The following RELL1 variants were observed in gnomAD, a reference collection of about 807,000 sequenced individuals.
RELL1 encodes RELT like 1.
RELL1 carries 10 observed loss-of-function variants against 23.0 expected under a neutral mutation model. The ratio of observed to expected loss-of-function variants is 0.43; its 90% CI spans 0.27 to 0.74. The LOEUF is 0.74. Ranked by LOEUF, RELL1 falls within the 30% of genes least tolerant of loss-of-function variation. RELL1 has a pLI of 0.19. For synonymous variants in RELL1, 146 were observed against 146.8 expected (o/e 0.99, Z 0.04); for missense variants, 315 against 364.4 (o/e 0.86, Z 1.10).
At chr4:37,685,339 GT>G (rs150944232) in intron 1 of RELL1, among the ~76,000 whole-genome samples, 5 of 149,712 alleles carry the variant, frequency 3.3e-5, no homozygotes, top group African/African-American at 7.4e-5. Flanking sequence ...AAGTAAGTAT[GT>G]TTTTTTTTTA....
In RELL1 at chr4:37,650,268, G is replaced by A. The variant is rs1720876486; in HGVS notation, c.89-768C>T. Among the ~76,000 whole-genome samples the A allele has an allele frequency of 2.0e-5, 3 of 152,106 alleles. No homozygotes were observed. In the South Asian group the frequency reaches 6.2e-4, roughly 32 times the overall value. On this transcript the variant is annotated intron_variant, in intron 1 of 6. Transcript: ENST00000454158. Reference sequence around the variant, plus strand: ...AGCAGATCTAGAGTATGAAGAAGAGGGAAAAGTCAGGGATAGCATCAAGAT... The same window carrying A: ...AGCAGATCTAGAGTATGAAGAAGAGAGAAAAGTCAGGGATAGCATCAAGAT...
chr4:37,609,948 A>AAAC (rs1719324360), downstream of RELL1, among the ~76,000 whole-genome samples: 1 of 152,234 alleles, frequency 6.6e-6, no homozygotes, highest in Admixed American at 6.5e-5. Context: ...AATAATACAT[A>AAAC]AACTTAGTTG....
intron 1 of RELL1, among the ~76,000 whole-genome samples, chr4:37,666,914 G>A (rs942569633): frequency 2.0e-5 from 3 of 152,192 alleles, no homozygotes; most frequent in African/African-American, 7.2e-5. Flanking sequence ...CACGTGGGCT[G>A]GCTTCTGAGA....
At chr4:37,669,942 T>G (rs931866864) in intron 1 of RELL1, among the ~76,000 whole-genome samples, 3 of 151,578 alleles carry the variant, frequency 2.0e-5, no homozygotes, top group Non-Finnish European at 4.4e-5. Context: ...CCAGAGACCT[T>G]TGTTCACTTG....
chr4:37,671,109 A>T lies in RELL1; in HGVS notation c.88+15091T>A, dbSNP rs1029315252. On this transcript the variant is annotated intron_variant, in intron 1 of 6. Transcript: ENST00000454158. ...CATTTAGTGCAGACTCCACAGGTTAAATACTCAATCCCACAAGACTGACCC... is the reference window on the plus strand; with the variant it reads ...CATTTAGTGCAGACTCCACAGGTTATATACTCAATCCCACAAGACTGACCC... 5.3e-5 allele frequency among the ~76,000 whole-genome samples: 8 copies of T among 152,326 alleles called. No homozygotes were observed. The East Asian group carries it at 1.5e-3, about 29-fold the overall frequency.
At chr4:37,632,626 T>C (rs557048583) in intron 5 of RELL1, among the ~76,000 whole-genome samples, 1 of 152,162 alleles carries the variant, frequency 6.6e-6, no homozygotes, top group African/African-American at 2.4e-5. Context: ...ACACACATGC[T>C]CTCACACATA....
chr4:37,605,056 A>G (rs1719154010), intron 6 of RELL1, among the ~76,000 whole-genome samples: 1 of 152,222 alleles, frequency 6.6e-6, no homozygotes, highest in Non-Finnish European at 1.5e-5. Context: ...ATAAACATGT[A>G]AAAATATCAT....
intron 6 of RELL1, among the ~76,000 whole-genome samples, chr4:37,603,371 C>T (rs1719067296): frequency 6.6e-6 from 1 of 152,178 alleles, no homozygotes; most frequent in South Asian, 2.1e-4. Flanking sequence ...AACAGTCCTG[C>T]AGCATGGTTC....
downstream of RELL1, among the ~76,000 whole-genome samples, chr4:37,608,959 T>C (rs1189141118): frequency 6.6e-6 from 1 of 152,198 alleles, no homozygotes; most frequent in Non-Finnish European, 1.5e-5. Context: ...AAAGAAACCA[T>C]TGCCATTATA....
rs772779656 is a variant in RELL1 at position 37,635,015 on chromosome 4, G to A, written c.552C>T (p.Gly184=). ...HVCGHHLHTV[G]GVVERDVCHR... is the part of the protein sequence containing the mutation. ...GACACACATCCCTCTCGACAACACC[G>A]CCCACCGTATGCAGATGATGGCCAC... Residue 184 remains glycine (G), a synonymous_variant, in exon 5 of 7, where the codon GGC becomes GGT. Coordinates refer to ENST00000454158, the MANE Select transcript of RELL1 (RefSeq NM_001085400.2). 2.0e-5 allele frequency: 33 copies of A among 1,614,086 alleles called. No individual in the cohort carries two copies. The East Asian group carries it at 3.3e-4, about 16-fold the overall frequency.
At chr4:37,629,622 A>G (rs556060065) in intron 6 of RELL1, among the ~76,000 whole-genome samples, 2 of 152,262 alleles carry the variant, frequency 1.3e-5, no homozygotes, top group South Asian at 2.1e-4. Context: ...GAAGGCTCCT[A>G]TTCTGCTCCT....
intron 1 of RELL1, among the ~76,000 whole-genome samples, chr4:37,685,440 A>G (rs1170799943): frequency 1.3e-5 from 2 of 152,172 alleles, no homozygotes; most frequent in African/African-American, 4.8e-5. Flanking sequence ...GTGACATAGG[A>G]CTTCCATAAA....
chr4:37,619,316 G>A (rs1180113570), intron 6 of RELL1, among the ~76,000 whole-genome samples: 2 of 152,154 alleles, frequency 1.3e-5, no homozygotes, highest in Non-Finnish European at 2.9e-5. Context: ...CCGAGTAGCT[G>A]GGACTACAGG....
At chr4:37,605,795 GAA>G (rs112947938), downstream of RELL1, among the ~76,000 whole-genome samples, 1,882 of 76,714 alleles carry the variant, frequency 0.025, 77 homozygotes, top group African/African-American at 0.076. Context: ...GAAAGAAAGA[GAA>G]AGAAAGAAAG....
At chr4:37,590,654 A>G, downstream of RELL1, 1 of 1,614,168 alleles carries the variant, frequency 6.2e-7, no homozygotes, top group Non-Finnish European at 8.5e-7. Context: ...GACAACGTTG[A>G]TCATAATGAA....
At chr4:37,604,884 C>CACACACAT (rs1560323921) in intron 6 of RELL1, among the ~76,000 whole-genome samples, 6 of 90,744 alleles carry the variant, frequency 6.6e-5, no homozygotes, top group South Asian at 8.4e-4. Flanking sequence ...CACACATACA[C>CACACACAT]ACAGACACAC....
rs1428212414 is a variant in RELL1, at chr4:37,686,229, C to A, written c.59G>T (p.Gly20Val). Residue 20 changes from glycine to valine, a missense_variant, in exon 1 of 7, where the codon GGC (glycine) becomes GTC (valine). Transcript: ENST00000454158. ...AGCCACCAGCGGCGAACTCACGGCG[C>A]CTCCCACGAAGACAGCAGCGGCTAG... ...AVLAAAVFVG[G>V]AVSSPLVAPD... 1.3e-6 allele frequency: 2 copies of A among 1,581,218 alleles called. No individual in the cohort carries two copies. Among genetic ancestry groups the A allele is most frequent in the Non-Finnish European group, 8.5e-7 (1 of 1,171,788 alleles).
At chr4:37,672,755 C>T (rs1114272) in intron 1 of RELL1, among the ~76,000 whole-genome samples, 15,379 of 152,156 alleles carry the variant, frequency 0.1, 1,355 homozygotes, top group African/African-American at 0.24. Flanking sequence ...TCTATTTCAT[C>T]ACATCATAAG....
At chr4:37,642,437 C>T (rs938017738) in intron 3 of RELL1, among the ~76,000 whole-genome samples, 11 of 152,160 alleles carry the variant, frequency 7.2e-5, no homozygotes, top group Non-Finnish European at 1.3e-4. Context: ...CGATTCAGTT[C>T]GGCTCTATTT....
Sources: allele counts gnomAD v4.1 joint callset (sites outside exome capture counted in the v4.1 genomes callset), GRCh38; gene constraint gnomAD v4.1.1; transcripts MANE v1.5; gene names NCBI Gene and HGNC (gene_info 2026-07-23, HGNC 2026-07-21).